The following CDH23 variants were observed in gnomAD, a reference collection of about 807,000 sequenced individuals.
CDH23 encodes the protein cadherin-23.
CDH23 carries 189 observed loss-of-function variants against 317.1 expected under a neutral mutation model. That is an observed-to-expected ratio of 0.60 (90% CI 0.53 to 0.67). The LOEUF is 0.67. Among genes scored for constraint, CDH23 ranks in the 30% least tolerant of loss-of-function variants. The probability of loss-of-function intolerance (pLI) is 0.00; values close to 1 mark genes in which losing one functional copy is unlikely to be tolerated. For synonymous variants in CDH23, 1,839 were observed against 1,876.8 expected, an observed-to-expected ratio of 0.98 and a Z score of 0.52; for missense variants, 4,401 against 4,592.4, an observed-to-expected ratio of 0.96 and a Z score of 1.20.
At chr10:71,664,480 C>T (rs542294974) in intron 14 of CDH23, among the ~76,000 whole-genome samples, 3 of 152,144 alleles carry the variant, frequency 2.0e-5, no homozygotes, top group East Asian at 1.9e-4. Context: ...GCACCACTTC[C>T]GCTCCACCTC....
At chr10:71,725,620 C>G in intron 30 of CDH23, 100 bp downstream of exon 30, 1 of 1,366,110 alleles carries the variant, frequency 7.3e-7, no homozygotes, top group Non-Finnish European at 9.9e-7. Context: ...TGGGCAGGGC[C>G]ACCACTGATT....
rs545743577 is a variant in CDH23 at position 71,730,358 on chromosome 10, C to T, written c.3580-111C>T. On this transcript the variant is annotated intron_variant, in intron 30 of 69. Transcript: ENST00000224721. ...GGCCTGGGGTCCTAGAGGGAGCTCA[C>T]AGCAGGCCCAGGAAAGCAGTGACCA... 9 of 1,408,838 alleles carry T rather than the reference C, an allele frequency of 6.4e-6. No individual in the cohort carries two copies. In the South Asian group the frequency reaches 9.7e-5, roughly 15 times the overall value. 87.3% of individuals were successfully genotyped at this position (1,408,838 alleles called of 1,614,324 possible). A position where few individuals can be genotyped will look rare whatever the true frequency, so the allele number is the denominator to read the frequency against.
At chr10:71,696,229 C>G (rs12257788) in intron 22 of CDH23, among the ~76,000 whole-genome samples, 2,633 of 152,326 alleles carry the variant, frequency 0.017, 82 homozygotes, top group African/African-American at 0.061. Context: ...TCTCCTCCCC[C>G]ACCCTGTACA....
rs1309343594 is a variant in CDH23 at position 71,566,870 on chromosome 10, C to G, written c.558C>G (p.Ile186Met). ...TCGCCATTGACAGCGCCCGCGGTATCGTCACAGTGATCCGGGAGCTGGACT... is the reference window on the plus strand; with the variant it reads ...TCGCCATTGACAGCGCCCGCGGTATGGTCACAGTGATCCGGGAGCTGGACT... ...QFFAIDSARG[I>M]VTVIRELDYE... Residue 186 changes from isoleucine (I) to methionine (M), a missense_variant, in exon 7 of 70, where the codon ATC (isoleucine) becomes ATG (methionine). Around this residue, in one of 3 missense-constraint regions of CDH23, gnomAD observed 3,068 missense variants for 3,203.3 expected, o/e 0.96. Coordinates refer to ENST00000224721, the MANE Select transcript of CDH23 (RefSeq NM_022124.6). 6.2e-7 allele frequency: 1 copy of G among 1,613,992 alleles called. No individual in the cohort carries two copies. The highest frequency in any genetic ancestry group is 2.2e-5 in the East Asian group (1 of 44,890).
chr10:71,431,199 G>A (rs939518551), intron 1 of CDH23, among the ~76,000 whole-genome samples: 1 of 152,212 alleles, frequency 6.6e-6, no homozygotes, highest in Non-Finnish European at 1.5e-5. Flanking sequence ...ATCTTTTGCT[G>A]TATGATATTT....
intron 3 of CDH23, among the ~76,000 whole-genome samples, chr10:71,476,019 G>A (rs769781008): frequency 1.5e-4 from 23 of 152,210 alleles, no homozygotes; most frequent in African/African-American, 2.2e-4. Flanking sequence ...TCCTCTGGTC[G>A]TTCATGTGGA....
At chr10:71,729,408 G>GT (rs1839278267) in intron 30 of CDH23, among the ~76,000 whole-genome samples, 2 of 152,222 alleles carry the variant, frequency 1.3e-5, no homozygotes. Context: ...CTAGGCCTCC[G>GT]TCCCCCAGGG....
intron 3 of CDH23, among the ~76,000 whole-genome samples, chr10:71,488,149 C>G (rs889665578): frequency 2.0e-5 from 3 of 152,220 alleles, no homozygotes; most frequent in African/African-American, 7.2e-5. Context: ...GATGGACCAT[C>G]AACAGTTGTT....
chr10:71,494,401 A>G (rs1852838108), intron 3 of CDH23, among the ~76,000 whole-genome samples: 1 of 152,200 alleles, frequency 6.6e-6, no homozygotes, highest in South Asian at 2.1e-4. Context: ...TGGGGCTGGT[A>G]CTGGATAAGA....
intron 11 of CDH23, among the ~76,000 whole-genome samples, chr10:71,633,450 G>T (rs1252540856): frequency 1.3e-5 from 2 of 152,166 alleles, no homozygotes; most frequent in Non-Finnish European, 2.9e-5. Flanking sequence ...AATATGTCAA[G>T]TAGGAGGAGC....
intron 6 of CDH23, among the ~76,000 whole-genome samples, chr10:71,523,070 C>T (rs892496802): frequency 3.3e-5 from 5 of 152,108 alleles, no homozygotes; most frequent in South Asian, 4.1e-4. Flanking sequence ...TTTTACTGCC[C>T]GGCTGCTGCC....
At chr10:71,728,016 C>G (rs761356161) in intron 30 of CDH23, among the ~76,000 whole-genome samples, 1 of 152,174 alleles carries the variant, frequency 6.6e-6, no homozygotes, top group Non-Finnish European at 1.5e-5. Flanking sequence ...TCCCTGCCAC[C>G]TCTCTCATCT....
intron 6 of CDH23, among the ~76,000 whole-genome samples, chr10:71,522,519 C>A (rs929043837): frequency 6.6e-6 from 1 of 152,180 alleles, no homozygotes; most frequent in Middle Eastern, 3.2e-3. Flanking sequence ...TTGAATCCTG[C>A]TCTTACCACT....
chr10:71,787,047 T>C (rs980099779), intron 44 of CDH23, among the ~76,000 whole-genome samples: 3 of 152,162 alleles, frequency 2.0e-5, no homozygotes, highest in Non-Finnish European at 1.5e-5. Flanking sequence ...TTCTGAGGTT[T>C]GCGAGTGTGA....
intron 29 of CDH23, 74 bp downstream of exon 29, chr10:71,724,179 AG>A: frequency 6.7e-7 from 1 of 1,500,240 alleles, no homozygotes; most frequent in Non-Finnish European, 9.1e-7. Flanking sequence ...AGGCTGCCAA[AG>A]GTCTGGGAGA....
At chr10:71,685,562 C>G (rs1021392480) in intron 18 of CDH23, among the ~76,000 whole-genome samples, 25 of 152,362 alleles carry the variant, frequency 1.6e-4, no homozygotes, top group Admixed American at 1.6e-3. Flanking sequence ...TCACTTTGCA[C>G]TTGGGAAGCC....
At position 71,704,991 on chromosome 10, in the gene CDH23, C is replaced by T. The variant is rs749588146; in HGVS notation, c.2814C>T (p.Phe938=). Residue 938 remains phenylalanine (F), a synonymous_variant, in exon 25 of 70, where the codon TTC becomes TTT. Coordinates refer to ENST00000224721, the MANE Select transcript of CDH23 (RefSeq NM_022124.6). ...RMPVGMPRMD[F]LINSSSGVVV... The stretch of plus-strand genomic sequence containing the variant: ...CGGTGGGCATGCCCCGCATGGACTT[C>T]CTCATCAACAGCAGCAGCGGCGTGG... The T allele has an allele frequency of 1.9e-6, 3 of 1,612,872 alleles. No homozygotes were observed. Among genetic ancestry groups the T allele is most frequent in the Non-Finnish European group, 2.5e-6 (3 of 1,179,842 alleles).
At chr10:71,589,606 A>T (rs1398325251) in intron 9 of CDH23, among the ~76,000 whole-genome samples, 1 of 152,138 alleles carries the variant, frequency 6.6e-6, no homozygotes, top group Non-Finnish European at 1.5e-5. Context: ...TGTAATACAC[A>T]CTTTCGGAGG....
intron 20 of CDH23, among the ~76,000 whole-genome samples, chr10:71,693,350 A>C (rs933647376): frequency 3.3e-5 from 5 of 151,934 alleles, no homozygotes; most frequent in Admixed American, 1.3e-4. Context: ...TGATGTTTGC[A>C]TTTCAGTTAC....
Sources: gnomAD v4.1 joint callset for allele counts (sites outside exome capture counted in the v4.1 genomes callset) on GRCh38, gnomAD v4.1.1 for gene constraint, gnomAD v4.1.1 regional missense constraint, MANE v1.5 for transcripts, NCBI Gene and HGNC (gene_info 2026-07-23, HGNC 2026-07-21) for gene names.